ADGRE5: variants seen among roughly 807,000 people sequenced by gnomAD.
The protein encoded by ADGRE5 is CD97 molecule.
In ADGRE5, 72 loss-of-function variants were observed where a neutral mutation model predicts 100.3. That is an observed-to-expected ratio of 0.72 (90% confidence interval 0.59 to 0.87). The LOEUF is 0.87. ADGRE5 is among the 40% of genes least tolerant of loss of function. ADGRE5 has a pLI of 0.00. For missense variants in ADGRE5, 959 were observed against 1,094.7 expected (o/e 0.88, Z 1.75); for synonymous variants, 439 against 447.8 (o/e 0.98, Z 0.25).
At position 14,401,573 on chromosome 19, in the gene ADGRE5, T is replaced by C. The variant is rs1023067985; in HGVS notation, c.1075+10T>C. 6.2e-7 allele frequency: 1 copy of C among 1,613,242 alleles called. No individual in the cohort carries two copies. The highest frequency in any genetic ancestry group is 1.7e-5 in the Admixed American group (1 of 59,936). On this transcript the variant is annotated intron_variant, in intron 10 of 19. Transcript: ENST00000242786. The surrounding 1 kb of genome is among the most constrained non-coding windows in gnomAD (Gnocchi z 4.1). ...TCCCCTTCGAACACAGGTGAGGCCT[T>C]GGCCTGGCCTGCCCTGCCCCAACCC...
chr19:14,389,434 A>C (rs1007013237), intron 3 of ADGRE5, among the ~76,000 whole-genome samples: 83 of 136,758 alleles, frequency 6.1e-4, no homozygotes, highest in Non-Finnish European at 1.1e-3. Flanking sequence ...GAAGGGAGGA[A>C]GGGAGGGAGA....
At chr19:14,396,008 G>A (rs962419404) in intron 4 of ADGRE5, among the ~76,000 whole-genome samples, 3 of 152,226 alleles carry the variant, frequency 2.0e-5, no homozygotes, top group African/African-American at 4.8e-5. Context: ...CTGCCCAGGC[G>A]CACGGCATGT....
chr19:14,407,040 C>T (rs772933924), intron 17 of ADGRE5, 21 bp from the exon 18 acceptor site: 49 of 1,613,764 alleles, frequency 3.0e-5, no homozygotes, highest in Non-Finnish European at 3.6e-5. Context: ...GGGGCCCACG[C>T]TGCAACCCCG....
intron 9 of ADGRE5, chr19:14,398,454 G>A (rs1284330168): frequency 6.4e-6 from 2 of 311,760 alleles, no homozygotes; most frequent in Non-Finnish European, 1.2e-5. Context: ...CAGATCACGC[G>A]GTCAGGAGAT....
chr19:14,395,865 C>T (rs1252926282), intron 4 of ADGRE5, among the ~76,000 whole-genome samples: 1 of 152,224 alleles, frequency 6.6e-6, no homozygotes, highest in Non-Finnish European at 1.5e-5. Context: ...GCCCATGAAG[C>T]TGGGCTCTCA....
intron 3 of ADGRE5, among the ~76,000 whole-genome samples, chr19:14,390,001 G>A (rs1226315858): frequency 6.6e-5 from 10 of 151,930 alleles, no homozygotes; most frequent in South Asian, 2.1e-4. Context: ...GCTTGAACCC[G>A]GGAGGCGGAA....
At chr19:14,404,866 GTTT>G (rs779348170) in intron 13 of ADGRE5, 181 of 243,852 alleles carry the variant, frequency 7.4e-4, no homozygotes, top group Middle Eastern at 2.4e-3. Context: ...CCACTTGCCC[GTTT>G]TTTTTTTTTT....
chr19:14,408,363 G>A lies in ADGRE5; in HGVS notation c.*242G>A. 3.2e-6 allele frequency: 2 copies of A among 617,264 alleles called. No homozygotes were observed. The highest frequency in any genetic ancestry group is 2.7e-5 in the East Asian group (1 of 36,442). The allele number at this position is 617,264 out of a possible 1,614,324, so 38.2% of individuals were successfully genotyped here. ...TCTCTGCTCCACCTTGTGACCCAGGGTGGGGACAGGGGCTGGCCCAGGGCT... is the reference window on the plus strand; with the variant it reads ...TCTCTGCTCCACCTTGTGACCCAGGATGGGGACAGGGGCTGGCCCAGGGCT... On this transcript the variant is annotated 3_prime_UTR_variant, in exon 20 of 20. Coordinates refer to ENST00000242786, the MANE Select transcript of ADGRE5 (RefSeq NM_078481.4).
At chr19:14,396,993 A>C in intron 5 of ADGRE5, 84 bp from the exon 6 acceptor site, 1 of 1,437,074 alleles carries the variant, frequency 7.0e-7, no homozygotes, top group Non-Finnish European at 9.4e-7. Flanking sequence ...GAGGCAATGA[A>C]AAGATAGGGG....
At chr19:14,388,304 G>A (rs1599611860) in intron 1 of ADGRE5, 146 bp from the exon 2 acceptor site, 4 of 1,418,666 alleles carry the variant, frequency 2.8e-6, no homozygotes, top group Non-Finnish European at 3.8e-6. Context: ...GCATCTGAGT[G>A]GGACATGACA....
At chr19:14,389,789 C>A (rs942091484) in intron 3 of ADGRE5, among the ~76,000 whole-genome samples, 6 of 151,198 alleles carry the variant, frequency 4.0e-5, no homozygotes, top group African/African-American at 1.5e-4. Context: ...GAAAAGTAGG[C>A]CCGGCATGGT....
At chr19:14,393,199 T>TAAAA (rs34782681) in intron 4 of ADGRE5, among the ~76,000 whole-genome samples, 1 of 145,312 alleles carries the variant, frequency 6.9e-6, no homozygotes, top group Non-Finnish European at 1.5e-5. Flanking sequence ...AGACTCCATC[T>TAAAA]AAAAAAAAAA....
chr19:14,386,996 CAG>C (rs1255039770), intron 1 of ADGRE5, among the ~76,000 whole-genome samples: 3 of 151,916 alleles, frequency 2.0e-5, no homozygotes, highest in East Asian at 3.9e-4. Flanking sequence ...GCCTGGGCGA[CAG>C]AGAGAGACTC....
rs1306812410 is a variant in ADGRE5 at position 14,397,641 on chromosome 19, C to T, written c.626-17C>T. The T allele has an allele frequency of 2.6e-6, 4 of 1,548,560 alleles. No individual in the cohort carries two copies. Among genetic ancestry groups the T allele is most frequent in the Non-Finnish European group, 2.7e-6 (3 of 1,131,918 alleles). On this transcript the variant is annotated splice_polypyrimidine_tract_variant and intron_variant, in intron 6 of 19. Coordinates refer to ENST00000242786, the MANE Select transcript of ADGRE5 (RefSeq NM_078481.4). ...CCAGGCTGGGACAGGACCTGACCCC[C>T]TTCTTCCTGTCCTCAGATGTGGACG...
chr19:14,390,554 C>T (rs1274085401), intron 3 of ADGRE5, among the ~76,000 whole-genome samples: 1 of 152,108 alleles, frequency 6.6e-6, no homozygotes, highest in African/African-American at 2.4e-5. Flanking sequence ...GAACTCCTGA[C>T]CTCAGGGGAT....
intron 11 of ADGRE5, among the ~76,000 whole-genome samples, chr19:14,402,102 G>C (rs956362564): frequency 6.6e-6 from 1 of 151,772 alleles, no homozygotes; most frequent in Non-Finnish European, 1.5e-5. Context: ...AAGCACTCCA[G>C]CCTGGACGAC....
intron 1 of ADGRE5, among the ~76,000 whole-genome samples, chr19:14,387,901 C>A (rs1009939910): frequency 4.6e-5 from 7 of 151,398 alleles, no homozygotes; most frequent in African/African-American, 1.5e-4. Flanking sequence ...ATGGTGAAAC[C>A]CTGTCTCTAG....
intron 6 of ADGRE5, 164 bp from the exon 7 acceptor site, chr19:14,397,494 C>T (rs1051666865): frequency 6.3e-5 from 42 of 669,874 alleles, no homozygotes; most frequent in Middle Eastern, 3.8e-4. Flanking sequence ...CTCATCTGCA[C>T]GGGGCCCACC....
chr19:14,399,667 C>T (rs941340891), intron 9 of ADGRE5, among the ~76,000 whole-genome samples: 6 of 150,740 alleles, frequency 4.0e-5, no homozygotes, highest in Middle Eastern at 3.5e-3. Flanking sequence ...CACTTGAACC[C>T]GGAGGCAGAG....
Sources: gnomAD v4.1 joint callset for allele counts (sites outside exome capture counted in the v4.1 genomes callset) on GRCh38, gnomAD v4.1.1 for gene constraint, Gnocchi (gnomAD v3.1) non-coding constraint, MANE v1.5 for transcripts, NCBI Gene and HGNC (gene_info 2026-07-23, HGNC 2026-07-21) for gene names.